Variants in HTR2C observed in about 807,000 individuals in gnomAD.
HTR2C encodes 5-hydroxytryptamine receptor 2C, also known as 5-hydroxytryptamine (serotonin) receptor 2C, G protein-coupled.
HTR2C carries 5 observed loss-of-function variants against 21.0 expected under a neutral mutation model. That is an observed-to-expected ratio of 0.24 (90% CI 0.12 to 0.50). HTR2C has a LOEUF of 0.50. Among genes scored for constraint, HTR2C ranks in the 20% least tolerant of loss-of-function variants. HTR2C has a pLI of 0.98. For synonymous variants in HTR2C, 150 were observed against 145.3 expected (o/e 1.03, Z -0.23); for missense variants, 271 against 371.2 (o/e 0.73, Z 2.22).
chrX:114,607,695 T>A (rs1928523957), intron 1 of HTR2C, among the ~76,000 whole-genome samples: 1 of 111,726 alleles, frequency 9.0e-6, no homozygotes, highest in Admixed American at 9.5e-5. Flanking sequence ...GGATTATTTT[T>A]AAATTAAAAT....
intron 2 of HTR2C, among the ~76,000 whole-genome samples, chrX:114,672,485 T>C (rs1258174744): frequency 1.8e-5 from 2 of 112,367 alleles, no homozygotes; most frequent in Non-Finnish European, 3.8e-5. Flanking sequence ...AACATTTACT[T>C]AAGCTAAATT....
chrX:114,879,113 A>AT (rs1471746669), intron 5 of HTR2C, among the ~76,000 whole-genome samples: 3 of 108,594 alleles, frequency 2.8e-5, no homozygotes, highest in Non-Finnish European at 5.8e-5. Context: ...TAATTTATCT[A>AT]TTTTTTCCAT....
intron 1 of HTR2C, among the ~76,000 whole-genome samples, chrX:114,603,628 T>C (rs1928246836): frequency 2.9e-5 from 1 of 34,218 alleles, no homozygotes; most frequent in Non-Finnish European, 5.6e-5. Context: ...AGGAAGAAAT[T>C]TGGGCTTGAT....
intron 5 of HTR2C, among the ~76,000 whole-genome samples, chrX:114,857,635 G>A (rs946993964): frequency 6.3e-5 from 7 of 110,603 alleles, no homozygotes; most frequent in Admixed American, 1.9e-4. Context: ...GTTCTTTGTC[G>A]GATATGTATA....
At chrX:114,800,148 C>T (rs2070332165) in intron 4 of HTR2C, among the ~76,000 whole-genome samples, 1 of 110,371 alleles carries the variant, frequency 9.1e-6, no homozygotes, top group African/African-American at 3.3e-5. Flanking sequence ...AGTGTGATGT[C>T]ATCAGGGAAC....
In HTR2C at chrX:114,806,723, CACCATATATATACACACCATATATAT is replaced by C. The variant is rs2070451379; in HGVS notation, c.350-41277_350-41252del. On this transcript the variant is annotated intron_variant, in intron 4 of 5. Transcript: ENST00000276198. ...TATATACACACCATATAGATATATA[CACCATATATATACACACCATATATAT>C]ACACCATATATATACACACCATATA... Among the ~76,000 whole-genome samples the C allele has an allele frequency of 1.3e-4, 11 of 83,449 alleles. No homozygotes were observed. In the South Asian group the frequency reaches 2.3e-3, roughly 17 times the overall value. 72.5% of individuals were successfully genotyped at this position (83,449 alleles called of 115,157 possible). A position where few individuals can be genotyped will look rare whatever the true frequency, so the allele number is the denominator to read the frequency against.
chrX:114,584,945 C>T, intron 1 of HTR2C, among the ~76,000 whole-genome samples: 3 of 89,039 alleles, frequency 3.4e-5, no homozygotes, highest in Middle Eastern at 0.012. Flanking sequence ...TCTAGAGAAC[C>T]TGGCGCGGGG....
At chrX:114,837,946 C>T (rs1409993129) in intron 4 of HTR2C, among the ~76,000 whole-genome samples, 4 of 111,061 alleles carry the variant, frequency 3.6e-5, no homozygotes. Flanking sequence ...CTGCCTTTAT[C>T]CCTTCATTAT....
At chrX:114,612,042 T>G (rs1928764668) in intron 1 of HTR2C, among the ~76,000 whole-genome samples, 1 of 110,533 alleles carries the variant, frequency 9.0e-6, no homozygotes, top group Non-Finnish European at 1.9e-5. Flanking sequence ...AAGTTAGAAC[T>G]ATTTTTTACT....
intron 2 of HTR2C, among the ~76,000 whole-genome samples, chrX:114,678,456 T>C (rs1289956137): frequency 1.8e-5 from 2 of 111,616 alleles, no homozygotes; most frequent in African/African-American, 6.5e-5. Flanking sequence ...AATGCTGGTG[T>C]TGATTTGGCA....
At chrX:114,823,646 C>T in intron 4 of HTR2C, 1 of 301,633 alleles carries the variant, frequency 3.3e-6, no homozygotes, top group Non-Finnish European at 6.6e-6. Context: ...GCTAGAGCTG[C>T]ATCACTAGAA....
At chrX:114,759,291 A>G (rs1315585417) in intron 4 of HTR2C, among the ~76,000 whole-genome samples, 2 of 110,863 alleles carry the variant, frequency 1.8e-5, no homozygotes, top group Non-Finnish European at 3.8e-5. Flanking sequence ...AGCAGCTTCC[A>G]TTTGATTGGT....
chrX:114,674,827 T>C (rs903854982), intron 2 of HTR2C, among the ~76,000 whole-genome samples: 2 of 111,950 alleles, frequency 1.8e-5, no homozygotes, highest in Non-Finnish European at 3.8e-5. Context: ...ATCCATGTTT[T>C]CTGCCTCTAA....
chrX:114,876,422 C>CTTTTTTTTTTTTTTTTTCTTT (rs60498146), intron 5 of HTR2C, among the ~76,000 whole-genome samples: 1 of 62,392 alleles, frequency 1.6e-5, no homozygotes, highest in Non-Finnish European at 2.8e-5. Context: ...CTTTTTCTTT[C>CTTTTTTTTTTTTTTTTTCTTT]TTTTTTTTTT....
chrX:114,872,922 A>C (rs2071103350), intron 5 of HTR2C, among the ~76,000 whole-genome samples: 1 of 111,561 alleles, frequency 9.0e-6, no homozygotes, highest in Admixed American at 9.5e-5. Flanking sequence ...GTTTTGCTTC[A>C]TGTATTTTGT....
intron 1 of HTR2C, among the ~76,000 whole-genome samples, chrX:114,601,929 G>A (rs372786994): frequency 1.2e-4 from 11 of 93,034 alleles, no homozygotes; most frequent in African/African-American, 3.7e-4. Flanking sequence ...GATATTGTGG[G>A]GATGTTAGAA....
intron 4 of HTR2C, among the ~76,000 whole-genome samples, chrX:114,787,946 C>CA (rs1204419085): frequency 0.032 from 1,077 of 33,171 alleles, 20 homozygotes; most frequent in Admixed American, 0.078. Context: ...GACTCTGTCT[C>CA]AAAAAAAAAA....
intron 2 of HTR2C, among the ~76,000 whole-genome samples, chrX:114,696,005 C>G (rs959108111): frequency 2.7e-5 from 3 of 111,922 alleles, no homozygotes; most frequent in Non-Finnish European, 5.6e-5. Flanking sequence ...CACATAATCA[C>G]ACTAGGAAAC....
At chrX:114,776,346 C>A (rs1465082290) in intron 4 of HTR2C, 2 of 741,859 alleles carry the variant, frequency 2.7e-6, no homozygotes, top group Middle Eastern at 3.1e-4. Context: ...GGCACTGTGA[C>A]CACAGCATTG....
Sources: gnomAD v4.1 joint callset for allele counts (sites outside exome capture counted in the v4.1 genomes callset) on GRCh38, gnomAD v4.1.1 for gene constraint, MANE v1.5 for transcripts, NCBI Gene and HGNC (gene_info 2026-07-23, HGNC 2026-07-21) for gene names.